Variants in SCAPER observed in about 807,000 individuals in gnomAD.
SCAPER encodes the protein S phase cyclin A-associated protein in the endoplasmic reticulum.
SCAPER carries 98 observed loss-of-function variants against 182.2 expected under a neutral mutation model. That is an observed-to-expected ratio of 0.54 (90% confidence interval 0.46 to 0.64). The LOEUF (loss-of-function observed/expected upper bound fraction) is 0.64, where lower values mean the gene tolerates loss of function less well. SCAPER is among the 30% of genes least tolerant of loss of function. The pLI is 0.00. For missense variants in SCAPER, 1,432 were observed against 1,690.0 expected, an observed-to-expected ratio of 0.85 and a Z score of 2.68; for synonymous variants, 605 against 564.6, an observed-to-expected ratio of 1.07 and a Z score of -1.01.
chr15:76,854,899 G>C (rs1268663342), intron 4 of SCAPER, among the ~76,000 whole-genome samples: 1 of 150,122 alleles, frequency 6.7e-6, no homozygotes, highest in Non-Finnish European at 1.5e-5. Context: ...CTGAACCCAG[G>C]AGATGGAGCT....
At chr15:76,748,516 T>C (rs1351380279) in intron 15 of SCAPER, among the ~76,000 whole-genome samples, 12 of 150,778 alleles carry the variant, frequency 8.0e-5, no homozygotes, top group Admixed American at 7.3e-4. Flanking sequence ...TTTGACAACA[T>C]TAAAAACTTT....
chr15:76,739,184 T>C (rs1324668081), intron 15 of SCAPER, among the ~76,000 whole-genome samples: 4 of 152,206 alleles, frequency 2.6e-5, no homozygotes, highest in East Asian at 1.9e-4. Context: ...CCATCAATTT[T>C]TGTATCTTCA....
rs960103967 is a variant in SCAPER, at chr15:76,775,239, G to A, written c.773-122C>T. Reference sequence around the variant, plus strand: ...ACAAATATAACTAATATACAAACATGAGAGTATTATACAAAATGTATATTT... The same window carrying A: ...ACAAATATAACTAATATACAAACATAAGAGTATTATACAAAATGTATATTT... On this transcript the variant is annotated intron_variant, in intron 8 of 31. Transcript: ENST00000563290. 1.2e-5 allele frequency: 10 copies of A among 803,772 alleles called. No homozygotes were observed. In the African/African-American group the frequency reaches 1.6e-4, roughly 13 times the overall value. The allele number at this position is 803,772 out of a possible 1,614,324, so 49.8% of individuals were successfully genotyped here.
chr15:76,446,740 T>C (rs567804577), intron 25 of SCAPER, among the ~76,000 whole-genome samples: 1 of 152,150 alleles, frequency 6.6e-6, no homozygotes, highest in Non-Finnish European at 1.5e-5. Context: ...CAAATTCATA[T>C]GAAAAAGGAA....
At chr15:76,458,449 C>A (rs1282514686) in intron 25 of SCAPER, among the ~76,000 whole-genome samples, 1 of 151,956 alleles carries the variant, frequency 6.6e-6, no homozygotes, top group Non-Finnish European at 1.5e-5. Flanking sequence ...TATACACACA[C>A]CCTTTTAGCA....
intron 17 of SCAPER, among the ~76,000 whole-genome samples, chr15:76,708,045 AGGG>A (rs1314168438): frequency 1.3e-5 from 2 of 152,076 alleles, no homozygotes; most frequent in African/African-American, 4.8e-5. Context: ...TCAGTATCCA[AGGG>A]GGATTGGTTC....
intron 20 of SCAPER, among the ~76,000 whole-genome samples, chr15:76,681,310 C>G (rs1567783824): frequency 6.6e-6 from 1 of 152,168 alleles, no homozygotes; most frequent in Admixed American, 6.5e-5. Context: ...TATTACAATA[C>G]TATTAAATAC....
At chr15:76,714,053 T>G (rs1598324232) in intron 17 of SCAPER, among the ~76,000 whole-genome samples, 1 of 151,046 alleles carries the variant, frequency 6.6e-6, no homozygotes, top group East Asian at 1.9e-4. Context: ...CAGCAATTTT[T>G]TTTTTAAAAG....
chr15:76,884,153 A>C (rs1355129750), intron 1 of SCAPER, among the ~76,000 whole-genome samples: 1 of 152,244 alleles, frequency 6.6e-6, no homozygotes, highest in Non-Finnish European at 1.5e-5. Context: ...TTCTTACTAC[A>C]ACCCATAAAC....
chr15:76,767,559 A>AG (rs2063189740), intron 10 of SCAPER, among the ~76,000 whole-genome samples: 1 of 152,114 alleles, frequency 6.6e-6, no homozygotes, highest in African/African-American at 2.4e-5. Context: ...AAATAATAAA[A>AG]ATATACATGA....
At chr15:76,824,493 T>C (rs2067832547) in intron 5 of SCAPER, among the ~76,000 whole-genome samples, 1 of 152,176 alleles carries the variant, frequency 6.6e-6, no homozygotes, top group Non-Finnish European at 1.5e-5. Flanking sequence ...AAACATGCAC[T>C]GCATGAGAAG....
intron 25 of SCAPER, among the ~76,000 whole-genome samples, chr15:76,439,834 G>A (rs900825853): frequency 1.3e-5 from 2 of 152,236 alleles, no homozygotes; most frequent in Non-Finnish European, 2.9e-5. Context: ...CTGGGAAAGA[G>A]AGCTATGTAG....
At chr15:76,653,595 A>G (rs1431260358) in intron 21 of SCAPER, among the ~76,000 whole-genome samples, 1 of 152,240 alleles carries the variant, frequency 6.6e-6, no homozygotes, top group Non-Finnish European at 1.5e-5. Flanking sequence ...GGAGATAAAA[A>G]CAAGCAATTG....
intron 5 of SCAPER, among the ~76,000 whole-genome samples, chr15:76,827,765 A>T (rs2068130177): frequency 6.6e-6 from 1 of 152,212 alleles, no homozygotes; most frequent in South Asian, 2.1e-4. Flanking sequence ...ATCAACAAAA[A>T]TAAATCAGGA....
chr15:76,746,216 T>G (rs1332833148), intron 15 of SCAPER, among the ~76,000 whole-genome samples: 8 of 152,220 alleles, frequency 5.3e-5, no homozygotes, highest in Non-Finnish European at 4.4e-5. Context: ...AAAGGACATA[T>G]AGTTGTCCCT....
chr15:76,780,512 TAA>T (rs2064053136), intron 8 of SCAPER, among the ~76,000 whole-genome samples: 1 of 152,188 alleles, frequency 6.6e-6, no homozygotes. Context: ...TTGACAGCTC[TAA>T]AGAGAGTAGT....
At chr15:76,510,386 C>A (rs1178589993) in intron 23 of SCAPER, among the ~76,000 whole-genome samples, 1 of 151,874 alleles carries the variant, frequency 6.6e-6, no homozygotes, top group Admixed American at 6.6e-5. Flanking sequence ...GAAAAATTAG[C>A]AAACAACAAC....
chr15:76,492,868 G>GT (rs1185376117), intron 24 of SCAPER, among the ~76,000 whole-genome samples: 16,107 of 121,552 alleles, frequency 0.13, 1,418 homozygotes, highest in African/African-American at 0.25. Flanking sequence ...ATCTGAGAGT[G>GT]TTTTTTTTTT....
At chr15:76,581,406 T>C (rs1195507951) in intron 22 of SCAPER, among the ~76,000 whole-genome samples, 3 of 152,054 alleles carry the variant, frequency 2.0e-5, no homozygotes, top group Admixed American at 6.6e-5. Context: ...ATAAAAATCC[T>C]CAACAAAATA....
Sources: gnomAD v4.1 joint callset for allele counts (sites outside exome capture counted in the v4.1 genomes callset) on GRCh38, gnomAD v4.1.1 for gene constraint, MANE v1.5 for transcripts, NCBI Gene and HGNC (gene_info 2026-07-23, HGNC 2026-07-21) for gene names.